Variants in SPOCK1 observed in about 807,000 individuals in gnomAD.
SPOCK1 encodes SPARC (osteonectin), cwcv and kazal like domains proteoglycan 1.
SPOCK1 carries 23 observed loss-of-function variants against 55.3 expected under a neutral mutation model. The ratio of observed to expected loss-of-function variants is 0.42; its 90% CI spans 0.30 to 0.59. SPOCK1 has a LOEUF of 0.59. SPOCK1 is among the 20% of genes least tolerant of loss of function. The pLI, the probability that SPOCK1 is intolerant of heterozygous loss-of-function variation, is 0.22. For synonymous variants in SPOCK1, 226 were observed against 221.0 expected (o/e 1.02, Z -0.20); for missense variants, 499 against 552.5 (o/e 0.90, Z 0.97).
chr5:137,369,310 TTGG>T (rs1371879256), intron 2 of SPOCK1, among the ~76,000 whole-genome samples: 1 of 152,230 alleles, frequency 6.6e-6, no homozygotes, highest in East Asian at 1.9e-4. Flanking sequence ...ACCTCTTTCC[TTGG>T]TTGGTTTCCA....
intron 4 of SPOCK1, among the ~76,000 whole-genome samples, chr5:137,134,505 C>T (rs561681411): frequency 6.6e-6 from 1 of 151,768 alleles, no homozygotes; most frequent in East Asian, 1.9e-4. Flanking sequence ...ATCCTCTGAG[C>T]TTAATGGAGA....
chr5:137,167,674 C>T (rs1489430126), intron 3 of SPOCK1, among the ~76,000 whole-genome samples: 1 of 151,966 alleles, frequency 6.6e-6, no homozygotes, highest in Non-Finnish European at 1.5e-5. Context: ...ATTTTGGAAA[C>T]TATACAAACA....
intron 2 of SPOCK1, among the ~76,000 whole-genome samples, chr5:137,342,117 T>C (rs1255141649): frequency 1.3e-5 from 2 of 152,202 alleles, no homozygotes; most frequent in South Asian, 4.1e-4. Flanking sequence ...AGCGTTTTGA[T>C]GGACGGTGTT....
intron 2 of SPOCK1, among the ~76,000 whole-genome samples, chr5:137,479,577 C>T (rs1184075471): frequency 6.6e-6 from 1 of 152,198 alleles, no homozygotes. Flanking sequence ...TCAAAAATGG[C>T]ATCTCCTCTA....
rs1750635180 is a variant in SPOCK1, at chr5:136,977,206, G to A, written c.*1448C>T. The A allele has an allele frequency of 6.6e-6, 1 of 152,052 alleles. No homozygotes were observed. The highest frequency in any genetic ancestry group is 1.5e-5 in the Non-Finnish European group (1 of 68,046). The allele number at this position is 152,052 out of a possible 1,614,324, so 9.4% of individuals were successfully genotyped here. On this transcript the variant is annotated 3_prime_UTR_variant, in exon 11 of 11. Transcript: ENST00000394945. ...TATCTGGGCCAGCTTGATAGGGAGA[G>A]AAATCCTAAGGAATGTAGAGATGAT... is the stretch of plus-strand genomic sequence containing the variant.
intron 4 of SPOCK1, among the ~76,000 whole-genome samples, chr5:137,113,419 C>G (rs1337435063): frequency 1.3e-5 from 2 of 152,110 alleles, no homozygotes; most frequent in Non-Finnish European, 2.9e-5. Flanking sequence ...TCTGGATAGC[C>G]CATCAATCAG....
intron 3 of SPOCK1, among the ~76,000 whole-genome samples, chr5:137,166,185 T>C (rs548442991): frequency 6.6e-6 from 1 of 151,972 alleles, no homozygotes; most frequent in East Asian, 1.9e-4. Context: ...AATAAACAAA[T>C]AACATACAAT....
intron 2 of SPOCK1, among the ~76,000 whole-genome samples, chr5:137,345,335 C>T (rs972576323): frequency 6.6e-6 from 1 of 152,196 alleles, no homozygotes; most frequent in African/African-American, 2.4e-5. Context: ...TTCAGAATCC[C>T]TTCCCTGATG....
At chr5:137,055,556 C>G (rs1237645579) in intron 6 of SPOCK1, among the ~76,000 whole-genome samples, 1 of 152,184 alleles carries the variant, frequency 6.6e-6, no homozygotes, top group Non-Finnish European at 1.5e-5. Context: ...CAACACAGAA[C>G]TATGTATAAT....
chr5:137,495,702 G>A (rs1366020723), intron 2 of SPOCK1, among the ~76,000 whole-genome samples: 1 of 152,222 alleles, frequency 6.6e-6, no homozygotes, highest in Non-Finnish European at 1.5e-5. Context: ...AGGCTTTATC[G>A]ATTGTCCACT....
intron 2 of SPOCK1, among the ~76,000 whole-genome samples, chr5:137,452,339 A>G (rs1753272018): frequency 6.6e-6 from 1 of 152,220 alleles, no homozygotes; most frequent in East Asian, 1.9e-4. Context: ...TGCTGTACAT[A>G]CTAAGAAAAT....
chr5:136,978,861 A>G lies in SPOCK1; in HGVS notation c.1130-17T>C, dbSNP rs773426109. 3 of 1,596,230 alleles carry G rather than the reference A, an allele frequency of 1.9e-6. No individual in the cohort carries two copies. Among genetic ancestry groups the G allele is most frequent in the Non-Finnish European group, 1.7e-6 (2 of 1,172,112 alleles). ...GCTCCTCTTCTGAAAGATTAAAAAA[A>G]GCATTGAGGTTAGTTTCCACTTATA... On this transcript the variant is annotated splice_polypyrimidine_tract_variant and intron_variant, in intron 10 of 10. Transcript: ENST00000394945.
At position 137,319,712 on chromosome 5, in the gene SPOCK1, G is replaced by A. The variant is rs934262753; in HGVS notation, c.187-52657C>T. 5.9e-5 allele frequency among the ~76,000 whole-genome samples: 9 copies of A among 152,152 alleles called. No individual in the cohort carries two copies. The East Asian group carries it at 9.7e-4, about 16-fold the overall frequency. On this transcript the variant is annotated intron_variant, in intron 2 of 10. Transcript: ENST00000394945. Reference sequence around the variant, plus strand: ...TGTAATCCCAGCACTTTGGGAGGCCGAGGCGGGTGGATCATGAGGTCAGGA... The same window carrying A: ...TGTAATCCCAGCACTTTGGGAGGCCAAGGCGGGTGGATCATGAGGTCAGGA...
intron 2 of SPOCK1, among the ~76,000 whole-genome samples, chr5:137,460,044 T>A (rs1446659310): frequency 6.6e-6 from 1 of 152,112 alleles, no homozygotes; most frequent in African/African-American, 2.4e-5. Context: ...GCGAGAAGGA[T>A]GGGGCAGTAA....
At chr5:137,257,021 A>T (rs1756648670) in intron 3 of SPOCK1, among the ~76,000 whole-genome samples, 1 of 152,202 alleles carries the variant, frequency 6.6e-6, no homozygotes, top group African/African-American at 2.4e-5. Context: ...AACCATCGTC[A>T]GCTAGAGTTG....
intron 2 of SPOCK1, among the ~76,000 whole-genome samples, chr5:137,423,769 C>T (rs553726109): frequency 2.0e-5 from 3 of 152,316 alleles, no homozygotes; most frequent in South Asian, 4.1e-4. Context: ...AGCTCATGCT[C>T]GGTGTGCTGC....
chr5:137,152,060 A>G lies in SPOCK1; in HGVS notation c.233-11366T>C, dbSNP rs138657027. On this transcript the variant is annotated intron_variant, in intron 3 of 10. Transcript: ENST00000394945. ...CTGATAACATTGAAGCCATCATGAC[A>G]AAGTTAATGTTGATTGGAGCTGAAG... Among the ~76,000 whole-genome samples, 3 of 152,308 alleles carry G rather than the reference A, an allele frequency of 2.0e-5. No homozygotes were observed. In the East Asian group the frequency reaches 5.8e-4, roughly 29 times the overall value.
chr5:137,331,755 T>A (rs1435971989), intron 2 of SPOCK1, among the ~76,000 whole-genome samples: 1 of 152,000 alleles, frequency 6.6e-6, no homozygotes, highest in Non-Finnish European at 1.5e-5. Context: ...TGGGGAGGGA[T>A]CCGCTCCCAC....
chr5:136,989,271 GAGA>G (rs1289476798), intron 7 of SPOCK1, among the ~76,000 whole-genome samples: 3 of 152,210 alleles, frequency 2.0e-5, no homozygotes, highest in Non-Finnish European at 4.4e-5. Context: ...TTCCCTGGGG[GAGA>G]AGAAGTTGTT....
Sources: allele counts gnomAD v4.1 joint callset (sites outside exome capture counted in the v4.1 genomes callset), GRCh38; gene constraint gnomAD v4.1.1; transcripts MANE v1.5; gene names NCBI Gene and HGNC (gene_info 2026-07-23, HGNC 2026-07-21).